Variants in KLHL24 observed in about 807,000 individuals in gnomAD.
The protein encoded by KLHL24 is kelch-like protein 24.
A neutral mutation model predicts 53.4 loss-of-function variants in KLHL24; 29 were observed. That is an observed-to-expected ratio of 0.54 (90% confidence interval 0.40 to 0.74). KLHL24 has a LOEUF of 0.74. Among genes scored for constraint, KLHL24 ranks in the 30% least tolerant of loss-of-function variants. The pLI is 0.00. For synonymous variants in KLHL24, 222 were observed against 253.7 expected (o/e 0.88, Z 1.19); for missense variants, 504 against 744.0 (o/e 0.68, Z 3.75).
intron 2 of KLHL24, among the ~76,000 whole-genome samples, chr3:183,647,999 C>G (rs564931613): frequency 6.6e-6 from 1 of 152,130 alleles, no homozygotes; most frequent in African/African-American, 2.4e-5. Context: ...CACAAGGAGA[C>G]CCTGTCTCAA....
Position 183,679,469 on chromosome 3 carries a change from A to G in KLHL24, c.*183A>G, listed in dbSNP as rs1412704054. 3 of 517,650 alleles carry G rather than the reference A, an allele frequency of 5.8e-6. No individual in the cohort carries two copies. Among genetic ancestry groups the G allele is most frequent in the African/African-American group, 3.9e-5 (2 of 51,152 alleles). 32.1% of individuals were successfully genotyped at this position (517,650 alleles called of 1,614,324 possible). On this transcript the variant is annotated 3_prime_UTR_variant, in exon 8 of 8. Transcript: ENST00000242810. ...TATAATAAAGCCTTTCCTATAATTG[A>G]AAAAAAAAACTTTTTTGTTAAAGGT...
intron 6 of KLHL24, among the ~76,000 whole-genome samples, chr3:183,671,424 T>C (rs1721306804): frequency 6.6e-6 from 1 of 152,220 alleles, no homozygotes; most frequent in Non-Finnish European, 1.5e-5. Flanking sequence ...CTCTAACAAA[T>C]GTGATCCAAT....
chr3:183,638,752 A>G (rs1351435106), intron 1 of KLHL24, among the ~76,000 whole-genome samples: 1 of 152,164 alleles, frequency 6.6e-6, no homozygotes, highest in Non-Finnish European at 1.5e-5. Flanking sequence ...AATGGGCAAC[A>G]TAGTGAGACC....
intron 5 of KLHL24, among the ~76,000 whole-genome samples, chr3:183,670,297 A>T (rs1721159285): frequency 6.6e-6 from 1 of 152,170 alleles, no homozygotes; most frequent in Admixed American, 6.6e-5. Flanking sequence ...AGAAACGTGG[A>T]TGTTAAGCTG....
Position 183,657,775 on chromosome 3 carries a change from G to A in KLHL24, c.921-5683G>A, listed in dbSNP as rs569720676. 3.3e-5 allele frequency among the ~76,000 whole-genome samples: 5 copies of A among 152,248 alleles called. No homozygotes were observed. The South Asian group carries it at 8.3e-4, about 25-fold the overall frequency. On this transcript the variant is annotated intron_variant, in intron 3 of 7. Coordinates refer to ENST00000242810, the MANE Select transcript of KLHL24 (RefSeq NM_017644.3). ...TTCATTGTTTTGAACTCATTGAATT[G>A]TTTGAATTCATTGTTTTGAACTCAA...
chr3:183,671,075 C>G lies in KLHL24; in HGVS notation c.1266C>G (p.Ser422Arg). The G allele has an allele frequency of 6.2e-7, 1 of 1,613,918 alleles. No homozygotes were observed. Among genetic ancestry groups the G allele is most frequent in the Non-Finnish European group, 8.5e-7 (1 of 1,179,892 alleles). ...VGGYDGQNRL[S>R]SVECYDSFSN... The stretch of plus-strand genomic sequence containing the variant: ...GCTATGATGGGCAAAACAGACTTAG[C>G]AGCGTAGAATGTTATGATTCCTTTT... Residue 422 changes from serine (S) to arginine (R), a missense_variant, in exon 6 of 8, where the codon AGC becomes AGG. Ser to Arg is a moderately radical substitution (Grantham distance 110, BLOSUM62 -1). Coordinates refer to ENST00000242810, the MANE Select transcript of KLHL24 (RefSeq NM_017644.3).
chr3:183,683,172 T>G lies in KLHL24; in HGVS notation c.*3886T>G, dbSNP rs1712868915. 1 of 152,162 alleles carries G rather than the reference T, an allele frequency of 6.6e-6. No homozygotes were observed. Among genetic ancestry groups the G allele is most frequent in the Admixed American group, 6.6e-5 (1 of 15,250 alleles). The allele number at this position is 152,162 out of a possible 1,614,324, so 9.4% of individuals were successfully genotyped here. On this transcript the variant is annotated 3_prime_UTR_variant, in exon 8 of 8. Transcript: ENST00000242810. ...AGACGGATCACTCCTGACCACGTGA[T>G]CCGCCCACCTCGGCCTCCCAAAGTG...
At chr3:183,670,770 T>C (rs1428593408) in intron 5 of KLHL24, among the ~76,000 whole-genome samples, 2 of 152,146 alleles carry the variant, frequency 1.3e-5, no homozygotes, top group Admixed American at 6.5e-5. Flanking sequence ...TTAAGGTAAA[T>C]AGATACACAA....
intron 1 of KLHL24, among the ~76,000 whole-genome samples, chr3:183,639,604 TG>T (rs1339595208): frequency 8.0e-6 from 1 of 125,210 alleles, no homozygotes; most frequent in Non-Finnish European, 1.6e-5. Flanking sequence ...CACTCCAGCC[TG>T]GGTGACAGAG....
intron 1 of KLHL24, among the ~76,000 whole-genome samples, chr3:183,642,280 G>A (rs1305631959): frequency 6.6e-6 from 1 of 152,080 alleles, no homozygotes; most frequent in Non-Finnish European, 1.5e-5. Context: ...TGCCCTAGTT[G>A]CAATATTTTT....
At chr3:183,639,983 C>T (rs896306799) in intron 1 of KLHL24, among the ~76,000 whole-genome samples, 4 of 152,142 alleles carry the variant, frequency 2.6e-5, no homozygotes, top group African/African-American at 9.7e-5. Flanking sequence ...CAAGATTGTG[C>T]CACTGCACTC....
In KLHL24 at chr3:183,671,175, CTG is replaced by C; in HGVS notation, c.1368_1369del (p.Phe457CysfsTer7). 3 of 1,614,034 alleles carry C rather than the reference CTG, an allele frequency of 1.9e-6. No homozygotes were observed. Among genetic ancestry groups the C allele is most frequent in the Non-Finnish European group, 2.5e-6 (3 of 1,179,986 alleles). On this transcript the variant is annotated frameshift_variant, in exon 6 of 8. Transcript: ENST00000242810. LOFTEE classifies it high-confidence loss of function. ...SPAVTSCVGK[L>X]FVIGGGPDDN... is the part of the protein sequence containing the mutation. ...TGCAGTGACTAGCTGTGTAGGCAAA[CTG>C]TTTGTGATTGGTGGAGGACCTGATG...
intron 5 of KLHL24, among the ~76,000 whole-genome samples, chr3:183,668,773 C>T (rs554440096): frequency 4.5e-4 from 69 of 152,160 alleles, no homozygotes; most frequent in African/African-American, 1.6e-3. Flanking sequence ...GGCATAGTGG[C>T]GGACACCTGT....
intron 2 of KLHL24, among the ~76,000 whole-genome samples, chr3:183,645,781 A>G (rs1445807106): frequency 1.3e-5 from 2 of 152,236 alleles, no homozygotes; most frequent in African/African-American, 2.4e-5. Context: ...TTGGACCATA[A>G]CATACATGTA....
chr3:183,637,201 A>G (rs992551290), intron 1 of KLHL24, among the ~76,000 whole-genome samples: 1 of 152,118 alleles, frequency 6.6e-6, no homozygotes, highest in African/African-American at 2.4e-5. Context: ...ACGTCTTTGT[A>G]TTTGCAGCTA....
intron 5 of KLHL24, among the ~76,000 whole-genome samples, chr3:183,666,573 A>C (rs1720595469): frequency 6.6e-6 from 1 of 151,988 alleles, no homozygotes; most frequent in Non-Finnish European, 1.5e-5. Flanking sequence ...AATATTTTGG[A>C]TTTTTTTCAT....
At chr3:183,668,645 G>A (rs1444252703) in intron 5 of KLHL24, among the ~76,000 whole-genome samples, 5 of 152,176 alleles carry the variant, frequency 3.3e-5, no homozygotes, top group African/African-American at 9.7e-5. Context: ...GGTGGCTCAC[G>A]CCTGTAATCC....
chr3:183,642,817 GTATT>G (rs10576165), intron 1 of KLHL24: 18 of 69,060 alleles, frequency 2.6e-4, no homozygotes, highest in Admixed American at 1.5e-3. Context: ...TATCCAAAGT[GTATT>G]CAAATATCAC....
At chr3:183,665,486 C>T (rs1720399880) in intron 5 of KLHL24, among the ~76,000 whole-genome samples, 1 of 152,190 alleles carries the variant, frequency 6.6e-6, no homozygotes, top group South Asian at 2.1e-4. Context: ...CACGTTGGCT[C>T]ACGCCTGTAA....
Sources: allele counts gnomAD v4.1 joint callset (sites outside exome capture counted in the v4.1 genomes callset), GRCh38; gene constraint gnomAD v4.1.1; transcripts MANE v1.5; gene names NCBI Gene and HGNC (gene_info 2026-07-23, HGNC 2026-07-21).